TTN: variants seen among roughly 807,000 people sequenced by gnomAD.
The protein encoded by TTN is titin.
A neutral mutation model predicts 3,223.0 loss-of-function variants in TTN; 1,525 were observed. The ratio of observed to expected loss-of-function variants is 0.47; its 90% CI spans 0.45 to 0.49. The LOEUF (loss-of-function observed/expected upper bound fraction) is 0.49, where lower values mean the gene tolerates loss of function less well. Among genes scored for constraint, TTN ranks in the 20% least tolerant of loss-of-function variants. The probability of loss-of-function intolerance (pLI) is 0.00; values close to 1 mark genes in which losing one functional copy is unlikely to be tolerated. For synonymous variants in TTN, 14,094 were observed against 15,161.0 expected (o/e 0.93, Z 5.17); for missense variants, 40,786 against 43,424.0 (o/e 0.94, Z 5.40).
chr2:178,701,356 T>C (rs1191208933), intron 110 of TTN, among the ~76,000 whole-genome samples, 153 bp from the exon 111 acceptor site: 1 of 152,064 alleles, frequency 6.6e-6, no homozygotes, highest in Non-Finnish European at 1.5e-5. Flanking sequence ...TATTTATAAC[T>C]GGAACTACTT....
Position 178,569,532 on chromosome 2 carries a change from T to A in TTN, c.76600A>T (p.Ile25534Leu), listed in dbSNP as rs1245433477. 6.2e-7 allele frequency: 1 copy of A among 1,612,720 alleles called. No homozygotes were observed. The highest frequency in any genetic ancestry group is 2.2e-5 in the East Asian group (1 of 44,728). The change falls in exon 326 of 363, where the codon ATA (isoleucine) becomes TTA (leucine). Residue 25534 changes from isoleucine (I) to leucine (L), a missense_variant. Coordinates refer to ENST00000589042, the MANE Select transcript of TTN (RefSeq NM_001267550.2). Reference protein sequence around the residue: ...AGGSLRLFVPIKGRPTPEVKW... With the variant: ...AGGSLRLFVPLKGRPTPEVKW... ...ACTTCTGGTGTAGGACGACCTTTTA[T>A]AGGAACAAATAACCTTAAGGAGCCA... is the stretch of plus-strand genomic sequence containing the variant.
rs2080478470 is a variant in TTN at position 178,731,416 on chromosome 2, C to T, written c.17350G>A (p.Val5784Met). The T allele has an allele frequency of 6.2e-7, 1 of 1,613,694 alleles. No homozygotes were observed. The highest frequency in any genetic ancestry group is 8.5e-7 in the Non-Finnish European group (1 of 1,179,786). The change falls in exon 59 of 363, where the codon GTG becomes ATG. Residue 5784 changes from valine to methionine, a missense_variant. By Grantham distance (21) the Val-to-Met change is conservative (BLOSUM62 1). Coordinates refer to ENST00000589042, the MANE Select transcript of TTN (RefSeq NM_001267550.2). ...DNIRMTFENN[V>M]ASLYLSGIEV... ...ATGCCACTGAGGTACAAACTGGCCA[C>T]ATTGTTCTCAAAGGTCATTCTTATA...
At position 178,773,147 on chromosome 2, in the gene TTN, G is replaced by A. The variant is rs370857722; in HGVS notation, c.7817C>T (p.Ala2606Val). The part of the protein sequence containing the change: ...KDDEGKYTFY[A>V]GENMTSGKLT... ...TTTTCCAGATGTCATATTTTCTCCCGCGTAAAATGTGTATTTTCCTTCATC... is the reference window on the plus strand; with the variant it reads ...TTTTCCAGATGTCATATTTTCTCCCACGTAAAATGTGTATTTTCCTTCATC... Residue 2606 changes from alanine (A) to valine (V), a missense_variant, in exon 33 of 363, where the codon GCG becomes GTG. By Grantham distance (64) the Ala-to-Val change is moderately conservative. Transcript: ENST00000589042. 6.8e-5 allele frequency: 109 copies of A among 1,613,754 alleles called. 1 individual carries two copies. Among genetic ancestry groups the A allele is most frequent in the Middle Eastern group, 6.6e-4 (4 of 6,060 alleles).
At chr2:178,756,840 C>T (rs181834965) in intron 45 of TTN, 43 bp from the exon 46 acceptor site, 1 of 1,565,696 alleles carries the variant, frequency 6.4e-7, no homozygotes, top group African/African-American at 1.4e-5. Flanking sequence ...ATATTAAGAT[C>T]TAAGCTTTGT....
At chr2:178,667,561 G>C in intron 160 of TTN, 36 bp from the exon 161 acceptor site, 2 of 1,580,834 alleles carry the variant, frequency 1.3e-6, no homozygotes, top group Non-Finnish European at 1.7e-6. Flanking sequence ...TTTATAAATG[G>C]TGAAGAAAAA....
intron 8 of TTN, 71 bp from the exon 9 acceptor site, chr2:178,793,612 C>T (rs1322758369): frequency 2.4e-5 from 39 of 1,598,448 alleles, no homozygotes; most frequent in East Asian, 6.7e-5. Flanking sequence ...AGACCAGCCT[C>T]GCCAACATGG....
At position 178,757,779 on chromosome 2, in the gene TTN, T is replaced by C. The variant is rs748619545; in HGVS notation, c.10441A>G (p.Thr3481Ala). The C allele has an allele frequency of 6.2e-7, 1 of 1,613,750 alleles. No homozygotes were observed. ...LSSLRVHNGE[T>A]VRFHARVSGI... ...GAAACCCTCGCATGAAATCTGACTGTCTCCCCGTTGTGCACCCTGAGGCTT... is the reference window on the plus strand; with the variant it reads ...GAAACCCTCGCATGAAATCTGACTGCCTCCCCGTTGTGCACCCTGAGGCTT... The change falls in exon 45 of 363, where the codon ACA (threonine) becomes GCA (alanine). Residue 3481 changes from threonine to alanine, a missense_variant. Thr to Ala is a moderately conservative substitution (Grantham distance 58). Transcript: ENST00000589042.
rs1418716706 is a variant in TTN, at chr2:178,534,445, T to G, written c.102170A>C (p.Glu34057Ala). 6.2e-7 allele frequency: 1 copy of G among 1,613,090 alleles called. No individual in the cohort carries two copies. Among genetic ancestry groups the G allele is most frequent in the East Asian group, 2.2e-5 (1 of 44,884 alleles). ...MDFVDRLLVK[E>A]RKSRMTASEA... ...CGATGCTGTCATGCGAGATTTCCTC[T>G]CTTTCACTAACAACCGGTCAACAAA... The change falls in exon 358 of 363, where the codon GAG becomes GCG. Residue 34057 changes from glutamate to alanine, a missense_variant. By Grantham distance (107) the Glu-to-Ala change is moderately radical. Transcript: ENST00000589042.
chr2:178,758,557 C>T (rs1019739662), intron 44 of TTN, among the ~76,000 whole-genome samples: 3 of 152,174 alleles, frequency 2.0e-5, no homozygotes, highest in African/African-American at 4.8e-5. Flanking sequence ...AGACCTGAAA[C>T]GGTCTAGCTT....
chr2:178,792,067 C>T lies in TTN; in HGVS notation c.1662+5G>A, dbSNP rs1021479898. The T allele has an allele frequency of 5.6e-6, 9 of 1,611,440 alleles. No individual in the cohort carries two copies. The highest frequency in any genetic ancestry group is 1.7e-5 in the Admixed American group (1 of 59,894). ...ACTACAAAATATTTAGAAAATCAGACTTACTGCTTCTTGAGTTACTTGTTT... is the reference window on the plus strand; with the variant it reads ...ACTACAAAATATTTAGAAAATCAGATTTACTGCTTCTTGAGTTACTTGTTT... On this transcript the variant is annotated splice_donor_5th_base_variant and intron_variant, in intron 10 of 362. Coordinates refer to ENST00000589042, the MANE Select transcript of TTN (RefSeq NM_001267550.2).
intron 88 of TTN, among the ~76,000 whole-genome samples, chr2:178,716,201 T>C (rs895789210): frequency 2.6e-5 from 4 of 152,136 alleles, no homozygotes; most frequent in Admixed American, 6.6e-5. Flanking sequence ...TTACATAGCA[T>C]GAAGAGCCGG....
In TTN at chr2:178,629,441, G is replaced by T. The variant is rs770767998; in HGVS notation, c.44284C>A (p.Arg14762=). 3.1e-6 allele frequency: 5 copies of T among 1,612,580 alleles called. No homozygotes were observed. Among genetic ancestry groups the T allele is most frequent in the East Asian group, 2.2e-5 (1 of 44,716 alleles). Residue 14762 remains arginine (R), a splice_region_variant and synonymous_variant, in exon 240 of 363, where the codon CGA becomes AGA. Transcript: ENST00000589042. ...AAAGGCCTCAGAAGACCAATTACTCGTGCTTTTCGAGAGGGAAGAAACAGC... is the reference window on the plus strand; with the variant it reads ...AAAGGCCTCAGAAGACCAATTACTCTTGCTTTTCGAGAGGGAAGAAACAGC... ...KSSAHLRVKP[R]VIGLLRPLKD... is the part of the protein sequence containing the mutation.
rs2078985500 is a variant in TTN at position 178,724,438 on chromosome 2, A to G, written c.20937T>C (p.Val6979=). 1.2e-6 allele frequency: 2 copies of G among 1,613,298 alleles called. No homozygotes were observed. Among genetic ancestry groups the G allele is most frequent in the Admixed American group, 3.3e-5 (2 of 59,966 alleles). ...CKVAGTPELS[V]EWYKDGKLLT... ...ACAGCTTTCCATCCTTGTACCATTC[A>G]ACAGAGAGTTCCGGAGTGCCAGCCA... The change falls in exon 72 of 363, where the codon GTT becomes GTC. Residue 6979 remains valine, a synonymous_variant. Coordinates refer to ENST00000589042, the MANE Select transcript of TTN (RefSeq NM_001267550.2).
intron 351 of TTN, 25 bp from the exon 352 acceptor site, chr2:178,539,991 T>A (rs764696906): frequency 6.2e-7 from 1 of 1,608,444 alleles, no homozygotes; most frequent in Non-Finnish European, 8.5e-7. Flanking sequence ...AGGGTTTCAA[T>A]TTAGCATTTG....
chr2:178,800,401 C>A lies in TTN; in HGVS notation c.577G>T (p.Val193Phe). Residue 193 changes from valine to phenylalanine, a missense_variant, in exon 4 of 363, where the codon GTT (valine) becomes TTT (phenylalanine). Physicochemically the swap from Val to Phe is conservative, Grantham distance 50. Transcript: ENST00000589042. ...GRATSTAELL[V>F]QGEEEVPAKK... ...CTCAACCTCCAGCACGTACCTTGAA[C>A]CAGTAATTCAGCAGTCGAAGTAGCT... 6.2e-7 allele frequency: 1 copy of A among 1,614,114 alleles called. No individual in the cohort carries two copies. The highest frequency in any genetic ancestry group is 8.5e-7 in the Non-Finnish European group (1 of 1,179,992).
intron 216 of TTN, among the ~76,000 whole-genome samples, chr2:178,646,241 T>G (rs1402993664): frequency 6.8e-6 from 1 of 148,076 alleles, no homozygotes; most frequent in Non-Finnish European, 1.5e-5. Context: ...TTTACAAAGA[T>G]GATGAGAAAT....
Position 178,570,019 on chromosome 2 carries a change from T to C in TTN, c.76113A>G (p.Glu25371=), listed in dbSNP as rs140350441. The C allele has an allele frequency of 4.3e-4, 700 of 1,613,192 alleles. 3 individuals are homozygous for C. The African/African-American group carries it at 7.8e-3, about 18-fold the overall frequency. Residue 25371 remains glutamate (E), a synonymous_variant, in exon 326 of 363, where the codon GAA becomes GAG. Transcript: ENST00000589042. The part of the protein sequence containing the change: ...ELRLRVTGLI[E]NHDYEFRVSA... The stretch of plus-strand genomic sequence containing the variant: ...AAACTCTGAACTCATAATCGTGATT[T>C]TCTATGAGTCCAGTTACTCTCAGGC...
intron 47 of TTN, chr2:178,745,595 G>A (rs779805113): frequency 1.9e-6 from 3 of 1,612,500 alleles, no homozygotes; most frequent in Non-Finnish European, 1.7e-6. Flanking sequence ...TTAAGTTAAG[G>A]TGAGTGCTGC....
At position 178,802,182 on chromosome 2, in the gene TTN, T is replaced by C. The variant is rs912344670; in HGVS notation, c.251A>G (p.Asn84Ser). ...NSGRYSLKAT[N>S]GSGQATSTAE... ...AGTACTAGTCGCTTGTCCAGATCCA[T>C]TGGTGGCTTTCAGGGAATATCGTCC... Residue 84 changes from asparagine (N) to serine (S), a missense_variant, in exon 3 of 363, where the codon AAT (asparagine) becomes AGT (serine). Asn to Ser is a conservative substitution (Grantham distance 46, BLOSUM62 1). Transcript: ENST00000589042. 4 of 1,614,024 alleles carry C rather than the reference T, an allele frequency of 2.5e-6. No individual in the cohort carries two copies. The highest frequency in any genetic ancestry group is 3.4e-6 in the Non-Finnish European group (4 of 1,180,008).
Sources: gnomAD v4.1 joint callset for allele counts (sites outside exome capture counted in the v4.1 genomes callset) on GRCh38, gnomAD v4.1.1 for gene constraint, MANE v1.5 for transcripts, NCBI Gene and HGNC (gene_info 2026-07-23, HGNC 2026-07-21) for gene names.